GATA2: variants seen among roughly 807,000 people sequenced by gnomAD.
GATA2 encodes the protein endothelial transcription factor GATA-2.
Under a neutral mutation model 35.7 loss-of-function variants are expected in GATA2, and 6 were observed. That is an observed-to-expected ratio of 0.17 (90% CI 0.09 to 0.33). The LOEUF (loss-of-function observed/expected upper bound fraction) is 0.33, where lower values mean the gene tolerates loss of function less well. GATA2 is among the 10% of genes least tolerant of loss of function. GATA2 has a pLI of 1.00. For synonymous variants in GATA2, 313 were observed against 274.9 expected (o/e 1.14, Z -1.37); for missense variants, 541 against 656.6 (o/e 0.82, Z 1.92).
intron 1 of GATA2, among the ~76,000 whole-genome samples, chr3:128,491,218 C>CCA (rs2068764099): frequency 7.8e-6 from 1 of 127,934 alleles, no homozygotes; most frequent in Non-Finnish European, 1.7e-5. Context: ...GCCCCCCCCC[C>CCA]CCTCTGAGCC....
chr3:128,492,506 A>G (rs1357186861), intron 1 of GATA2, among the ~76,000 whole-genome samples: 2 of 152,196 alleles, frequency 1.3e-5, no homozygotes, highest in African/African-American at 2.4e-5. Context: ...GCACGGGACC[A>G]GCCGGCAGGT....
intron 5 of GATA2, 83 bp from the exon 6 acceptor site, chr3:128,481,401 G>T: frequency 1.3e-6 from 2 of 1,488,376 alleles, no homozygotes; most frequent in Non-Finnish European, 1.9e-6. Flanking sequence ...TGGACCAGAG[G>T]CAGGTCAAGC....
At chr3:128,492,504 C>G (rs570873540) in intron 1 of GATA2, among the ~76,000 whole-genome samples, 282 of 152,318 alleles carry the variant, frequency 1.9e-3, no homozygotes, top group African/African-American at 6.6e-3. Flanking sequence ...GCGCACGGGA[C>G]CAGCCGGCAG....
chr3:128,488,095 C>T lies in GATA2; in HGVS notation c.-45-1019G>A, dbSNP rs1485395335. ...CCTCAGCCGGCGGGCCCCCTCCCTG[C>T]GCGCTCCTGGCGGCCCCTGCTGCCA... is the stretch of plus-strand genomic sequence containing the variant. On this transcript the variant is annotated intron_variant, in intron 1 of 5. Coordinates refer to ENST00000341105, the MANE Select transcript of GATA2 (RefSeq NM_032638.5). This position sits in a 1 kb window ranked among gnomAD's most constrained non-coding sequence, Gnocchi z 5.8. Among the ~76,000 whole-genome samples, 3 of 152,122 alleles carry T rather than the reference C, an allele frequency of 2.0e-5. No homozygotes were observed. The highest frequency in any genetic ancestry group is 7.2e-5 in the African/African-American group (3 of 41,420).
intron 1 of GATA2, chr3:128,491,917 C>G (rs1421322926): frequency 6.6e-6 from 1 of 152,250 alleles, no homozygotes; most frequent in Non-Finnish European, 1.5e-5. Context: ...ACTGGTAAAT[C>G]CGTTTCGTTA....
intron 3 of GATA2, among the ~76,000 whole-genome samples, chr3:128,484,309 G>C (rs2068667678): frequency 6.6e-6 from 1 of 152,216 alleles, no homozygotes; most frequent in African/African-American, 2.4e-5. Context: ...CAACCAGGAG[G>C]GTATTTACTG....
At position 128,488,031 on chromosome 3, in the gene GATA2, G is replaced by A. The variant is rs1394446404; in HGVS notation, c.-45-955C>T. ...CCCATTGGCTGCGTCCGCAATTCCC[G>A]AACCGCTGGACTCCGGGACTGACCC... On this transcript the variant is annotated intron_variant, in intron 1 of 5. Transcript: ENST00000341105. The surrounding 1 kb of genome is among the most constrained non-coding windows in gnomAD (Gnocchi z 5.8). 6.6e-6 allele frequency: 1 copy of A among 152,166 alleles called. No homozygotes were observed. The highest frequency in any genetic ancestry group is 1.5e-5 in the Non-Finnish European group (1 of 68,138). 9.4% of individuals were successfully genotyped at this position (152,166 alleles called of 1,614,324 possible). A position where few individuals can be genotyped will look rare whatever the true frequency, so the allele number is the denominator to read the frequency against.
Position 128,487,148 on chromosome 3 carries a change from C to CCGCA in GATA2, c.-45-76_-45-73dup, listed in dbSNP as rs761364510. 144 of 812,238 alleles carry CCGCA rather than the reference C, an allele frequency of 1.8e-4. 2 individuals are homozygous for CCGCA. Among genetic ancestry groups the CCGCA allele is most frequent in the Admixed American group, 1.2e-3 (45 of 36,290 alleles). 50.3% of individuals were successfully genotyped at this position (812,238 alleles called of 1,614,324 possible). On this transcript the variant is annotated intron_variant, in intron 1 of 5. Coordinates refer to ENST00000341105, the MANE Select transcript of GATA2 (RefSeq NM_032638.5). ...CCCCAAAGTCCCACCACGAGGTGTC[C>CCGCA]CGCACGCCACGGAGCCCCAGCCCAG... is the stretch of plus-strand genomic sequence containing the variant.
rs528737073 is a variant in GATA2, at chr3:128,486,051, G to C, written c.547C>G (p.Pro183Ala). The part of the protein sequence containing the change: ...FPPTPPKEVS[P>A]DPSTTGAASP... ...GCAGCCCCCGTGGTGCTAGGGTCAG[G>C]AGACACTTCTTTGGGTGGCGTGGGT... The change falls in exon 3 of 6, where the codon CCT becomes GCT. Residue 183 changes from proline to alanine, a missense_variant. Transcript: ENST00000341105. 6.2e-7 allele frequency: 1 copy of C among 1,613,850 alleles called. No homozygotes were observed. Among genetic ancestry groups the C allele is most frequent in the African/African-American group, 1.3e-5 (1 of 75,042 alleles).
In GATA2 at chr3:128,488,728, C is replaced by T. The variant is rs1439241755; in HGVS notation, c.-45-1652G>A. 6.6e-6 allele frequency among the ~76,000 whole-genome samples: 1 copy of T among 152,056 alleles called. No homozygotes were observed. The highest frequency in any genetic ancestry group is 1.5e-5 in the Non-Finnish European group (1 of 67,966). On this transcript the variant is annotated intron_variant, in intron 1 of 5. Coordinates refer to ENST00000341105, the MANE Select transcript of GATA2 (RefSeq NM_032638.5). The surrounding 1 kb of genome is among the most constrained non-coding windows in gnomAD (Gnocchi z 5.8). The stretch of plus-strand genomic sequence containing the variant: ...CCGGGGGGGGTCCCCGAGGTGGCCT[C>T]TGGTGAGGGGGAGGCGGTGGTCTGA...
chr3:128,484,201 GTCGTTT>G (rs1224791618), intron 3 of GATA2, among the ~76,000 whole-genome samples, 196 bp from the exon 4 acceptor site: 2 of 152,250 alleles, frequency 1.3e-5, no homozygotes, highest in Non-Finnish European at 2.9e-5. Flanking sequence ...CAGGTCCAGA[GTCGTTT>G]AAAGCCAAAT....
chr3:128,481,791 C>A, intron 5 of GATA2, 28 bp downstream of exon 5: 1 of 1,583,204 alleles, frequency 6.3e-7, no homozygotes, highest in Non-Finnish European at 8.6e-7. Context: ...CTGGGAGGGG[C>A]GGGGTGGCCG....
intron 1 of GATA2, chr3:128,490,237 A>G (rs2068755038): frequency 6.6e-6 from 1 of 152,234 alleles, no homozygotes; most frequent in East Asian, 1.9e-4. Context: ...CCCCTGCCCA[A>G]ACGTCAGCCC....
chr3:128,484,854 G>A (rs1221763615), intron 3 of GATA2, among the ~76,000 whole-genome samples: 1 of 152,164 alleles, frequency 6.6e-6, no homozygotes, highest in African/African-American at 2.4e-5. Flanking sequence ...TCCCCAGGAA[G>A]TTATTCTTGA....
At chr3:128,484,092 G>A in intron 3 of GATA2, 87 bp from the exon 4 acceptor site, 4 of 1,535,974 alleles carry the variant, frequency 2.6e-6, no homozygotes, top group Non-Finnish European at 8.8e-7. Context: ...AGCCAGCCGA[G>A]CAGTGCCGGT....
chr3:128,482,699 T>C (rs1381706875), intron 4 of GATA2, among the ~76,000 whole-genome samples: 1 of 151,326 alleles, frequency 6.6e-6, no homozygotes, highest in Non-Finnish European at 1.5e-5. Context: ...GCAGCCCCTC[T>C]GAGTCCTAGT....
chr3:128,482,312 C>A (rs2068640815), intron 4 of GATA2, among the ~76,000 whole-genome samples: 1 of 152,100 alleles, frequency 6.6e-6, no homozygotes, highest in Admixed American at 6.5e-5. Context: ...CCGGCTTGGT[C>A]CCCCTCGAGC....
rs761369956 is a variant in GATA2 at position 128,486,948 on chromosome 3, G to T, written c.84C>A (p.Gly28=). Residue 28 remains glycine (G), a synonymous_variant, in exon 2 of 6, where the codon GGC becomes GGA. Coordinates refer to ENST00000341105, the MANE Select transcript of GATA2 (RefSeq NM_032638.5). ...NAQHPDSHHP[G]LAHNYMEPAQ... is the part of the protein sequence containing the mutation. ...CGGGTTCCATGTAGTTGTGCGCCAG[G>T]CCCGGGTGGTGTGAGTCGGGGTGCT... is the stretch of plus-strand genomic sequence containing the variant. 2.5e-6 allele frequency: 4 copies of T among 1,612,808 alleles called. No homozygotes were observed. Among genetic ancestry groups the T allele is most frequent in the Non-Finnish European group, 3.4e-6 (4 of 1,179,548 alleles).
At chr3:128,491,007 G>C (rs577759691) in intron 1 of GATA2, among the ~76,000 whole-genome samples, 1 of 152,208 alleles carries the variant, frequency 6.6e-6, no homozygotes, top group Non-Finnish European at 1.5e-5. Context: ...GAGAAGGTCA[G>C]CCAGGAAGCA....
Sources: allele counts gnomAD v4.1 joint callset (sites outside exome capture counted in the v4.1 genomes callset), GRCh38; gene constraint gnomAD v4.1.1; non-coding constraint Gnocchi (gnomAD v3.1); transcripts MANE v1.5; gene names NCBI Gene and HGNC (gene_info 2026-07-23, HGNC 2026-07-21).